Variants in LINC02747 observed in about 807,000 individuals in gnomAD.
LINC02747 encodes the protein CCND1-upstream intergenic DNA repair 2.
chr11:69,479,276 A>AAAAG (rs1555045071), intron 1 of LINC02747, among the ~76,000 whole-genome samples: 101 of 147,336 alleles, frequency 6.9e-4, no homozygotes, highest in Middle Eastern at 3.5e-3. Flanking sequence ...AAAAAAAAAA[A>AAAAG]AGAGAGAGAG....
At chr11:69,477,602 C>T (rs902447871) in exon 2 of LINC02747, 7 of 152,312 alleles carry the variant, frequency 4.6e-5, no homozygotes, top group African/African-American at 1.7e-4. Flanking sequence ...CAGGCTGTCA[C>T]AACCTGGCTG....
chr11:69,476,446 C>T (rs1487676986), exon 2 of LINC02747: 2 of 152,196 alleles, frequency 1.3e-5, no homozygotes, highest in Non-Finnish European at 2.9e-5. Context: ...GCTGCCTCCA[C>T]ACCATTCACT....
chr11:69,479,106 A>C (rs1467120550), intron 1 of LINC02747, among the ~76,000 whole-genome samples: 1 of 151,054 alleles, frequency 6.6e-6, no homozygotes. Flanking sequence ...AATACAAAAA[A>C]TTGACGGGCA....
chr11:69,477,327 G>GTC (rs1353778364), exon 2 of LINC02747: 10 of 152,246 alleles, frequency 6.6e-5, no homozygotes, highest in African/African-American at 2.2e-4. Flanking sequence ...CGACAGCCAT[G>GTC]GGCTGAGCAC....
At chr11:69,480,577 G>C (rs1186642322) in intron 1 of LINC02747, among the ~76,000 whole-genome samples, 15 of 152,198 alleles carry the variant, frequency 9.9e-5, no homozygotes, top group Admixed American at 9.8e-4. Context: ...CCTCAGGATG[G>C]AGCTGAGGCA....
At chr11:69,478,072 G>A (rs1332647869) in intron 1 of LINC02747, among the ~76,000 whole-genome samples, 4 of 152,166 alleles carry the variant, frequency 2.6e-5, no homozygotes, top group East Asian at 1.9e-4. Flanking sequence ...CCGTGGGTCC[G>A]AGAGGGGCTG....
At chr11:69,475,902 G>T (rs549080010) in exon 2 of LINC02747, 1 of 152,256 alleles carries the variant, frequency 6.6e-6, no homozygotes, top group Non-Finnish European at 1.5e-5. Flanking sequence ...CATTTGGTCC[G>T]TAGCGAGAAT....
At chr11:69,479,292 GGA>G (rs975516649) in intron 1 of LINC02747, among the ~76,000 whole-genome samples, 9 of 149,946 alleles carry the variant, frequency 6.0e-5, no homozygotes, top group Non-Finnish European at 1.2e-4. Flanking sequence ...GAGAGAGAGA[GGA>G]GAGAGAGAGA....
chr11:69,479,888 G>A (rs1015127011), intron 1 of LINC02747: 6 of 152,322 alleles, frequency 3.9e-5, no homozygotes, highest in African/African-American at 1.2e-4. Context: ...GGCCTCTCTG[G>A]TGAGCTGCCC....
exon 2 of LINC02747, chr11:69,476,752 C>G (rs1170485553): frequency 6.6e-6 from 1 of 152,216 alleles, no homozygotes; most frequent in Admixed American, 6.5e-5. Context: ...GCCTGTGCAC[C>G]GAGGACAAAG....
At chr11:69,477,230 C>T (rs1363438848) in exon 2 of LINC02747, 3 of 152,244 alleles carry the variant, frequency 2.0e-5, no homozygotes, top group Non-Finnish European at 2.9e-5. Flanking sequence ...TCCTTCAGCT[C>T]GTGACATGCC....
At chr11:69,478,916 A>G (rs576700579) in intron 1 of LINC02747, among the ~76,000 whole-genome samples, 3 of 151,974 alleles carry the variant, frequency 2.0e-5, no homozygotes, top group Admixed American at 2.0e-4. Context: ...AAGTTTTTAC[A>G]TGAAAATATA....
chr11:69,479,091 C>A (rs1857024087), intron 1 of LINC02747, among the ~76,000 whole-genome samples: 1 of 151,602 alleles, frequency 6.6e-6, no homozygotes, highest in South Asian at 2.1e-4. Flanking sequence ...CCTGTCTCTA[C>A]TAAAAATACA....
chr11:69,475,884 G>C (rs1479708268), exon 2 of LINC02747: 2 of 152,192 alleles, frequency 1.3e-5, no homozygotes, highest in Non-Finnish European at 2.9e-5. Flanking sequence ...ATTTAGGGAG[G>C]ACGCACACAT....
At chr11:69,479,153 G>T (rs1857024668) in intron 1 of LINC02747, among the ~76,000 whole-genome samples, 1 of 151,134 alleles carries the variant, frequency 6.6e-6, no homozygotes, top group Non-Finnish European at 1.5e-5. Context: ...TACTCGGGAG[G>T]CTGAGGCAGG....
chr11:69,475,824 G>A (rs573197441), exon 2 of LINC02747: 1 of 152,250 alleles, frequency 6.6e-6, no homozygotes, highest in South Asian at 2.1e-4. Context: ...CATTCCACAG[G>A]TCCCCTCTCC....
intron 1 of LINC02747, chr11:69,477,624 G>A (rs1857008337): frequency 6.6e-6 from 1 of 152,156 alleles, no homozygotes; most frequent in Non-Finnish European, 1.5e-5. Context: ...CTGTGGGGAG[G>A]AGCAGAGGTC....
At chr11:69,475,751 T>G (rs1856987046) in exon 2 of LINC02747, 1 of 152,214 alleles carries the variant, frequency 6.6e-6, no homozygotes, top group African/African-American at 2.4e-5. Flanking sequence ...GAGCCGGTTC[T>G]CTGGGCCTCT....
At chr11:69,476,763 G>T (rs1565190097) in exon 2 of LINC02747, 1 of 152,214 alleles carries the variant, frequency 6.6e-6, no homozygotes, top group Non-Finnish European at 1.5e-5. Context: ...GAGGACAAAG[G>T]GTCCCTCTAG....
Sources: allele counts gnomAD v4.1 joint callset (sites outside exome capture counted in the v4.1 genomes callset), GRCh38; gene constraint gnomAD v4.1.1; transcripts MANE v1.5; gene names NCBI Gene and HGNC (gene_info 2026-07-23, HGNC 2026-07-21).